The following BSDC1 variants were observed in gnomAD, a reference collection of about 807,000 sequenced individuals.
BSDC1 encodes BSD domain containing 1.
In BSDC1, 29 loss-of-function variants were observed where a neutral mutation model predicts 56.0. That is an observed-to-expected ratio of 0.52 (90% CI 0.39 to 0.71). The LOEUF (loss-of-function observed/expected upper bound fraction) is 0.71. Among genes scored for constraint, BSDC1 ranks in the 30% least tolerant of loss-of-function variants. The pLI is 0.00. For missense variants in BSDC1, 477 were observed against 548.5 expected (o/e 0.87, Z 1.30); for synonymous variants, 210 against 215.3 (o/e 0.98, Z 0.21).
chr1:32,366,733 T>G, intron 10 of BSDC1, 79 bp from the exon 11 acceptor site: 1 of 1,443,024 alleles, frequency 6.9e-7, no homozygotes, highest in Non-Finnish European at 9.1e-7. Context: ...CTCCACTTGC[T>G]GAGCAGAGCC....
At chr1:32,386,048 G>A (rs542995761) in intron 3 of BSDC1, among the ~76,000 whole-genome samples, 12 of 152,216 alleles carry the variant, frequency 7.9e-5, no homozygotes, top group Middle Eastern at 3.4e-3. Flanking sequence ...GGCTGGGCGC[G>A]GTGGCTCACG....
At position 32,366,564 on chromosome 1, in the gene BSDC1, A is replaced by T; in HGVS notation, c.*58T>A. 7.0e-7 allele frequency: 1 copy of T among 1,435,944 alleles called. No individual in the cohort carries two copies. Among genetic ancestry groups the T allele is most frequent in the Non-Finnish European group, 9.6e-7 (1 of 1,042,230 alleles). 89.0% of individuals were successfully genotyped at this position (1,435,944 alleles called of 1,614,324 possible). On this transcript the variant is annotated 3_prime_UTR_variant, in exon 11 of 11. Coordinates refer to ENST00000455895, the MANE Select transcript of BSDC1 (RefSeq NM_018045.8). ...TTCTCAGTCTTCCAGGGCTGGGCTGAGACGAGCGAGGGAGGCGAGAGATGC... is the reference window on the plus strand; with the variant it reads ...TTCTCAGTCTTCCAGGGCTGGGCTGTGACGAGCGAGGGAGGCGAGAGATGC...
chr1:32,366,723 C>T, intron 10 of BSDC1, 69 bp from the exon 11 acceptor site: 2 of 1,445,110 alleles, frequency 1.4e-6, no homozygotes, highest in Non-Finnish European at 1.8e-6. Context: ...CAGACCTAAC[C>T]TCCACTTGCT....
chr1:32,394,403 C>T lies in BSDC1; in HGVS notation c.11+1G>A. Reference sequence around the variant, plus strand: ...GCCTAGGAGCAAAACGACAAGCTCACCCTTCCGCCATCTTGCCTGCATGAC... The same window carrying T: ...GCCTAGGAGCAAAACGACAAGCTCATCCTTCCGCCATCTTGCCTGCATGAC... On this transcript the variant is annotated splice_donor_variant, in intron 1 of 10. Transcript: ENST00000455895. LOFTEE classifies it high-confidence loss of function. 6.2e-7 allele frequency: 1 copy of T among 1,614,198 alleles called. No homozygotes were observed. Among genetic ancestry groups the T allele is most frequent in the South Asian group, 1.1e-5 (1 of 91,084 alleles).
Position 32,366,512 on chromosome 1 carries a change from G to T in BSDC1, c.*110C>A. 9.3e-7 allele frequency: 1 copy of T among 1,073,326 alleles called. No individual in the cohort carries two copies. Among genetic ancestry groups the T allele is most frequent in the Non-Finnish European group, 1.4e-6 (1 of 710,318 alleles). The allele number at this position is 1,073,326 out of a possible 1,614,324, so 66.5% of individuals were successfully genotyped here. A position where few individuals can be genotyped will look rare whatever the true frequency, so the allele number is the denominator to read the frequency against. ...CACCAGAATCTGTGCCCAGAGCTCT[G>T]GTTGGCAGAGGAGATTTGGGGGAAC... On this transcript the variant is annotated 3_prime_UTR_variant, in exon 11 of 11. Coordinates refer to ENST00000455895, the MANE Select transcript of BSDC1 (RefSeq NM_018045.8).
intron 9 of BSDC1, among the ~76,000 whole-genome samples, chr1:32,370,697 G>A (rs1424196698): frequency 2.0e-5 from 3 of 151,156 alleles, no homozygotes; most frequent in Admixed American, 1.3e-4. Flanking sequence ...CCAGCTACTC[G>A]GGAGGCTGAG....
At position 32,378,310 on chromosome 1, in the gene BSDC1, G is replaced by A; in HGVS notation, c.529-27C>T. On this transcript the variant is annotated intron_variant, in intron 6 of 10. Coordinates refer to ENST00000455895, the MANE Select transcript of BSDC1 (RefSeq NM_018045.8). The surrounding 1 kb of genome is among the most constrained non-coding windows in gnomAD (Gnocchi z 5.2). ...TGGAGGGAGGGGAAAATGGAGGTGA[G>A]ACTTTGGGAGTGTTTGTGTGGGGTC... 1 of 1,609,534 alleles carries A rather than the reference G, an allele frequency of 6.2e-7. No homozygotes were observed. The highest frequency in any genetic ancestry group is 8.5e-7 in the Non-Finnish European group (1 of 1,175,872).
intron 9 of BSDC1, among the ~76,000 whole-genome samples, chr1:32,370,069 G>A (rs571366309): frequency 6.6e-6 from 1 of 152,226 alleles, no homozygotes; most frequent in Non-Finnish European, 1.5e-5. Context: ...CCTCTGCCTC[G>A]CAGGTTCAAG....
chr1:32,392,816 C>A (rs1557659763), intron 2 of BSDC1, among the ~76,000 whole-genome samples: 1 of 152,198 alleles, frequency 6.6e-6, no homozygotes, highest in East Asian at 1.9e-4. Flanking sequence ...ATAATCCCAG[C>A]ACTTTGGGAA....
intron 2 of BSDC1, 176 bp downstream of exon 2, chr1:32,393,904 C>T: frequency 4.9e-6 from 3 of 613,178 alleles, no homozygotes; most frequent in Non-Finnish European, 8.6e-6. Context: ...TAGTATCACA[C>T]TGGTTTGCGT....
chr1:32,367,957 T>C (rs1641911790), intron 10 of BSDC1: 1 of 1,058,798 alleles, frequency 9.4e-7, no homozygotes, highest in African/African-American at 1.7e-5. Context: ...CAAGGCCAAG[T>C]ATATACTCAG....
rs144564024 is a variant in BSDC1, at chr1:32,373,199, G to T, written c.1156+3063C>A. On this transcript the variant is annotated intron_variant, in intron 9 of 10. Coordinates refer to ENST00000455895, the MANE Select transcript of BSDC1 (RefSeq NM_018045.8). ...TTCCCACTGTTCCAGCCTAGTCCAAGACTCTGGCTTCCTCCCACCTGACTA... is the reference window on the plus strand; with the variant it reads ...TTCCCACTGTTCCAGCCTAGTCCAATACTCTGGCTTCCTCCCACCTGACTA... 2.3e-4 allele frequency among the ~76,000 whole-genome samples: 35 copies of T among 152,302 alleles called. No individual in the cohort carries two copies. The East Asian group carries it at 6.4e-3, about 28-fold the overall frequency.
At position 32,378,319 on chromosome 1, in the gene BSDC1, A is replaced by G; in HGVS notation, c.529-36T>C. On this transcript the variant is annotated intron_variant, in intron 6 of 10. Coordinates refer to ENST00000455895, the MANE Select transcript of BSDC1 (RefSeq NM_018045.8). The surrounding 1 kb of genome is among the most constrained non-coding windows in gnomAD (Gnocchi z 5.2). ...GGGAAAATGGAGGTGAGACTTTGGG[A>G]GTGTTTGTGTGGGGTCTGTGTCCCC... 6.2e-7 allele frequency: 1 copy of G among 1,603,618 alleles called. No homozygotes were observed. The highest frequency in any genetic ancestry group is 8.5e-7 in the Non-Finnish European group (1 of 1,170,670).
Position 32,366,456 on chromosome 1 carries a change from G to A in BSDC1, c.*166C>T, listed in dbSNP as rs1360149714. 2 of 745,138 alleles carry A rather than the reference G, an allele frequency of 2.7e-6. No individual in the cohort carries two copies. Among genetic ancestry groups the A allele is most frequent in the African/African-American group, 3.5e-5 (2 of 57,858 alleles). The allele number at this position is 745,138 out of a possible 1,614,324, so 46.2% of individuals were successfully genotyped here. On this transcript the variant is annotated 3_prime_UTR_variant, in exon 11 of 11. Coordinates refer to ENST00000455895, the MANE Select transcript of BSDC1 (RefSeq NM_018045.8). Reference sequence around the variant, plus strand: ...ATTTAGAGAGCCCCTTCCCAGGTGTGAGCAGAGGCCCAAGAGGGCCAGCAG... The same window carrying A: ...ATTTAGAGAGCCCCTTCCCAGGTGTAAGCAGAGGCCCAAGAGGGCCAGCAG...
intron 9 of BSDC1, chr1:32,374,661 C>T (rs552111835): frequency 6.6e-6 from 1 of 152,330 alleles, no homozygotes; most frequent in Non-Finnish European, 1.5e-5. Context: ...TCAGCTTAGA[C>T]TACCACTCCC....
At chr1:32,369,886 G>A (rs1417385736) in intron 9 of BSDC1, among the ~76,000 whole-genome samples, 1 of 151,752 alleles carries the variant, frequency 6.6e-6, no homozygotes, top group Non-Finnish European at 1.5e-5. Flanking sequence ...TCCGCCTCCT[G>A]GGTTCAAGAG....
intron 2 of BSDC1, among the ~76,000 whole-genome samples, chr1:32,391,496 T>C (rs1019596760): frequency 1.3e-5 from 2 of 151,898 alleles, no homozygotes; most frequent in Admixed American, 6.6e-5. Flanking sequence ...CCAGATGAGG[T>C]TGGGGAATCT....
At chr1:32,379,625 T>A (rs1642415144) in intron 5 of BSDC1, among the ~76,000 whole-genome samples, 1 of 152,222 alleles carries the variant, frequency 6.6e-6, no homozygotes, top group Non-Finnish European at 1.5e-5. Flanking sequence ...AGAGGCTTGC[T>A]CTGTCACCAG....
chr1:32,385,082 A>G (rs1244328658), intron 3 of BSDC1, among the ~76,000 whole-genome samples: 1 of 152,226 alleles, frequency 6.6e-6, no homozygotes, highest in African/African-American at 2.4e-5. Flanking sequence ...TAATTGATTC[A>G]GCTGGTGATC....
Sources: gnomAD v4.1 joint callset for allele counts (sites outside exome capture counted in the v4.1 genomes callset) on GRCh38, gnomAD v4.1.1 for gene constraint, Gnocchi (gnomAD v3.1) non-coding constraint, MANE v1.5 for transcripts, NCBI Gene and HGNC (gene_info 2026-07-23, HGNC 2026-07-21) for gene names.